Variants in RBKS observed in about 807,000 individuals in gnomAD.
The protein encoded by RBKS is ribokinase.
A neutral mutation model predicts 33.9 loss-of-function variants in RBKS; 33 were observed. The observed-to-expected ratio is 0.97, with a 90% CI of 0.74 to 1.30. RBKS has a LOEUF of 1.30. RBKS is among the 50% of genes most tolerant of loss of function. RBKS has a pLI of 0.00. For missense variants in RBKS, 361 were observed against 392.6 expected (o/e 0.92, Z 0.68); for synonymous variants, 125 against 143.0 (o/e 0.87, Z 0.90).
At chr2:27,865,000 T>G (rs2148222924) in intron 1 of RBKS, among the ~76,000 whole-genome samples, 1 of 152,334 alleles carries the variant, frequency 6.6e-6, no homozygotes, top group East Asian at 1.9e-4. Context: ...CCACAGGTCT[T>G]TAACTTCCAA....
chr2:27,853,433 C>G (rs887729618), intron 2 of RBKS, among the ~76,000 whole-genome samples: 9 of 150,282 alleles, frequency 6.0e-5, no homozygotes, highest in African/African-American at 2.0e-4. Context: ...CCAAGGCAGG[C>G]AGATTGCTTG....
intron 7 of RBKS, among the ~76,000 whole-genome samples, chr2:27,819,200 G>A: frequency 6.6e-6 from 1 of 152,122 alleles, no homozygotes; most frequent in Non-Finnish European, 1.5e-5. Context: ...TACTGGCAAA[G>A]TAGGTTTCAT....
At chr2:27,847,823 G>A (rs1259614684) in intron 3 of RBKS, among the ~76,000 whole-genome samples, 1 of 152,180 alleles carries the variant, frequency 6.6e-6, no homozygotes, top group East Asian at 1.9e-4. Flanking sequence ...ATGAAGGTTT[G>A]TAACCTCCTA....
chr2:27,861,561 C>G (rs1490926044), intron 1 of RBKS: 1 of 470,476 alleles, frequency 2.1e-6, no homozygotes, highest in Non-Finnish European at 4.4e-6. Context: ...AAGGCAAAAT[C>G]AACTTGTTGA....
chr2:27,787,276 A>G (rs552748402), intron 7 of RBKS, among the ~76,000 whole-genome samples: 10 of 152,240 alleles, frequency 6.6e-5, no homozygotes, highest in African/African-American at 2.2e-4. Context: ...TACAAAAAAC[A>G]TAAAAATTAG....
At chr2:27,883,331 CTGG>C (rs2148233093) in intron 1 of RBKS, among the ~76,000 whole-genome samples, 1 of 152,208 alleles carries the variant, frequency 6.6e-6, no homozygotes, top group Admixed American at 6.5e-5. Flanking sequence ...TCCCGAGTAG[CTGG>C]GACTACAGGC....
chr2:27,854,762 T>C (rs2148217455), intron 2 of RBKS, among the ~76,000 whole-genome samples: 1 of 152,046 alleles, frequency 6.6e-6, no homozygotes, highest in East Asian at 1.9e-4. Flanking sequence ...TTTTTTTTTT[T>C]TTTAATATTT....
intron 1 of RBKS, among the ~76,000 whole-genome samples, chr2:27,876,762 G>C (rs1664323183): frequency 6.6e-6 from 1 of 152,074 alleles, no homozygotes; most frequent in Admixed American, 6.6e-5. Context: ...GTAAAAAAAT[G>C]TGGATGTACT....
intron 1 of RBKS, among the ~76,000 whole-genome samples, chr2:27,862,872 A>C (rs1664017445): frequency 6.6e-6 from 1 of 152,174 alleles, no homozygotes; most frequent in South Asian, 2.1e-4. Flanking sequence ...TATAAATCCT[A>C]ATTTAATTTG....
At chr2:27,886,786 C>T (rs1338120602) in intron 1 of RBKS, among the ~76,000 whole-genome samples, 3 of 151,862 alleles carry the variant, frequency 2.0e-5, no homozygotes, top group African/African-American at 7.3e-5. Context: ...TGGGTAGTAG[C>T]CTTTACTAGC....
intron 7 of RBKS, among the ~76,000 whole-genome samples, chr2:27,806,213 C>T (rs1677893894): frequency 6.6e-6 from 1 of 152,202 alleles, no homozygotes; most frequent in Non-Finnish European, 1.5e-5. Context: ...ATTTTTCTAG[C>T]ATTTTGTAGC....
Position 27,848,039 on chromosome 2 carries a change from G to A in RBKS, c.281C>T (p.Ser94Phe), listed in dbSNP as rs1389269232. 5 of 1,469,242 alleles carry A rather than the reference G, an allele frequency of 3.4e-6. No individual in the cohort carries two copies. In the African/African-American group the frequency reaches 7.0e-5, roughly 20 times the overall value. 91.0% of individuals were successfully genotyped at this position (1,469,242 alleles called of 1,614,324 possible). A position where few individuals can be genotyped will look rare whatever the true frequency, so the allele number is the denominator to read the frequency against. Residue 94 changes from serine (S) to phenylalanine (F), a missense_variant, in exon 3 of 8, where the codon TCT becomes TTT. Physicochemically the swap from Ser to Phe is radical, Grantham distance 155. Transcript: ENST00000302188. Reference protein sequence around the residue: ...YIENLKQNDISTEFTYQTKDA... With the variant: ...YIENLKQNDIFTEFTYQTKDA... Reference sequence around the variant, plus strand: ...AAAAAAGGTGGGAATTTTACCTGTAGAAATATCATTCTGTTTTAAGTTTTC... The same window carrying A: ...AAAAAAGGTGGGAATTTTACCTGTAAAAATATCATTCTGTTTTAAGTTTTC...
chr2:27,834,391 G>T (rs1678476358), intron 5 of RBKS, among the ~76,000 whole-genome samples: 1 of 152,190 alleles, frequency 6.6e-6, no homozygotes, highest in African/African-American at 2.4e-5. Context: ...TTATTGTGCA[G>T]CTTAAATTAG....
At chr2:27,883,153 G>C (rs571494338) in intron 1 of RBKS, among the ~76,000 whole-genome samples, 2 of 151,444 alleles carry the variant, frequency 1.3e-5, no homozygotes, top group Admixed American at 1.3e-4. Context: ...GCACAAAAGG[G>C]ACTAAGACAA....
At chr2:27,865,268 C>A (rs958240810) in intron 1 of RBKS, among the ~76,000 whole-genome samples, 3 of 152,066 alleles carry the variant, frequency 2.0e-5, no homozygotes, top group Non-Finnish European at 2.9e-5. Context: ...TGCAGTGAGC[C>A]GAGATCGCGC....
chr2:27,862,261 T>C (rs79322527), intron 1 of RBKS, among the ~76,000 whole-genome samples: 3,491 of 152,184 alleles, frequency 0.023, 121 homozygotes, highest in African/African-American at 0.079. Flanking sequence ...ATTTATGTTA[T>C]TTAAAAGGAA....
At chr2:27,855,624 T>C (rs1055415672) in intron 2 of RBKS, among the ~76,000 whole-genome samples, 1 of 152,252 alleles carries the variant, frequency 6.6e-6, no homozygotes, top group Admixed American at 6.5e-5. Flanking sequence ...ATTTTAAATC[T>C]GAAAATACCA....
At chr2:27,858,030 CAA>C (rs1486624387) in intron 2 of RBKS, among the ~76,000 whole-genome samples, 1 of 152,006 alleles carries the variant, frequency 6.6e-6, no homozygotes, top group East Asian at 1.9e-4. Context: ...TATTCAACCA[CAA>C]AAAGGAAGGA....
chr2:27,835,294 A>G (rs1678496554), intron 5 of RBKS, among the ~76,000 whole-genome samples: 1 of 152,056 alleles, frequency 6.6e-6, no homozygotes, highest in African/African-American at 2.4e-5. Flanking sequence ...AAAAAAAGAA[A>G]AAAAAGAATT....
Sources: gnomAD v4.1 joint callset for allele counts (sites outside exome capture counted in the v4.1 genomes callset) on GRCh38, gnomAD v4.1.1 for gene constraint, MANE v1.5 for transcripts, NCBI Gene and HGNC (gene_info 2026-07-23, HGNC 2026-07-21) for gene names.